DMXL1: variants seen among roughly 807,000 people sequenced by gnomAD.
DMXL1 encodes Dmx like 1.
DMXL1 carries 99 observed loss-of-function variants against 319.2 expected under a neutral mutation model. The observed-to-expected ratio is 0.31, with a 90% CI of 0.26 to 0.37. The LOEUF is 0.37. Ranked by LOEUF, DMXL1 falls within the 10% of genes least tolerant of loss-of-function variation. DMXL1 has a pLI of 1.00. For synonymous variants in DMXL1, 1,385 were observed against 1,235.2 expected (o/e 1.12, Z -2.54); for missense variants, 3,745 against 3,595.6 (o/e 1.04, Z -1.06).
chr5:119,178,615 A>G, intron 28 of DMXL1: 1 of 985,334 alleles, frequency 1.0e-6, no homozygotes, highest in Non-Finnish European at 1.2e-6. Flanking sequence ...AGGTAGTGGT[A>G]TTCTCCATGG....
chr5:119,210,905 G>A (rs1049483151), intron 34 of DMXL1, among the ~76,000 whole-genome samples: 2 of 150,246 alleles, frequency 1.3e-5, no homozygotes, highest in Admixed American at 1.3e-4. Flanking sequence ...TTTTCTTTAA[G>A]TTTGTTGTAG....
chr5:119,104,482 G>A (rs1341995161), intron 3 of DMXL1, among the ~76,000 whole-genome samples: 1 of 152,180 alleles, frequency 6.6e-6, no homozygotes, highest in African/African-American at 2.4e-5. Flanking sequence ...TTGTACCAAA[G>A]TTTGAGAGCC....
Position 119,071,629 on chromosome 5 carries a change from G to A in DMXL1, c.60G>A (p.Val20=). ...AVNPGDHCFS[V]GSIGDQRFTA... is the part of the protein sequence containing the mutation. The stretch of plus-strand genomic sequence containing the variant: ...ACCCTGGCGACCACTGCTTCTCCGT[G>A]GGCAGCATTGGCGACCAGCGCTTCA... Residue 20 remains valine (V), a synonymous_variant, in exon 1 of 44, where the codon GTG becomes GTA. Transcript: ENST00000539542. The A allele has an allele frequency of 2.5e-6, 4 of 1,599,416 alleles. No homozygotes were observed. The highest frequency in any genetic ancestry group is 3.4e-6 in the Non-Finnish European group (4 of 1,173,486).
intron 1 of DMXL1, 29 bp downstream of exon 1, chr5:119,071,685 G>T (rs1186349680): frequency 6.4e-7 from 1 of 1,556,296 alleles, no homozygotes; most frequent in Non-Finnish European, 8.7e-7. Context: ...CGCGTCGCCC[G>T]TGGCCCGGCC....
chr5:119,194,506 A>T (rs1052004625), intron 30 of DMXL1, among the ~76,000 whole-genome samples: 1 of 150,308 alleles, frequency 6.7e-6, no homozygotes, highest in African/African-American at 2.5e-5. Context: ...CTCTATTGAT[A>T]TGTTTACATC....
At chr5:119,105,866 C>T (rs1334107135) in intron 4 of DMXL1, among the ~76,000 whole-genome samples, 1 of 145,446 alleles carries the variant, frequency 6.9e-6, no homozygotes, top group African/African-American at 2.6e-5. Flanking sequence ...CATTGCACTT[C>T]AGCCTGGGCA....
intron 32 of DMXL1, among the ~76,000 whole-genome samples, chr5:119,202,266 T>G (rs537001203): frequency 6.6e-6 from 1 of 152,320 alleles, no homozygotes; most frequent in Admixed American, 6.5e-5. Flanking sequence ...TGCTAAAGCA[T>G]ACCTACTTTT....
In DMXL1 at chr5:119,225,727, A is replaced by G. The variant is rs140788743; in HGVS notation, c.8338+958A>G. On this transcript the variant is annotated intron_variant, in intron 38 of 43. Coordinates refer to ENST00000539542, the MANE Select transcript of DMXL1 (RefSeq NM_001290321.3). ...CAAGAGAACCGTATATGTAAAATGAAGAGAATAACATCTGTTACTTATGCT... is the reference window on the plus strand; with the variant it reads ...CAAGAGAACCGTATATGTAAAATGAGGAGAATAACATCTGTTACTTATGCT... Among the ~76,000 whole-genome samples, 602 of 152,282 alleles carry G rather than the reference A, an allele frequency of 4.0e-3. 10 individuals are homozygous for G. The highest frequency in any genetic ancestry group is 0.026 in the South Asian group (126 of 4,824).
chr5:119,097,900 C>G (rs562588535), intron 1 of DMXL1, 79 bp from the exon 2 acceptor site: 2 of 1,230,862 alleles, frequency 1.6e-6, no homozygotes, highest in South Asian at 2.9e-5. Flanking sequence ...TGCCTTAAAA[C>G]ATGATAGTTA....
chr5:119,127,665 C>G (rs1763908589), intron 9 of DMXL1: 1 of 175,788 alleles, frequency 5.7e-6, no homozygotes, highest in Non-Finnish European at 1.2e-5. Flanking sequence ...TCTCGAACCC[C>G]TGGCCTCAAG....
rs1448727710 is a variant in DMXL1 at position 119,134,093 on chromosome 5, T to A, written c.2169T>A (p.Ser723=). The change falls in exon 12 of 44, where the codon TCT becomes TCA. Residue 723 remains serine (S), a synonymous_variant. Coordinates refer to ENST00000539542, the MANE Select transcript of DMXL1 (RefSeq NM_001290321.3). ...CATTGTCTTTTTCTGGAGGAGTTTCTGAGCTTGCCCGGATTAATTCTCTTC... is the reference window on the plus strand; with the variant it reads ...CATTGTCTTTTTCTGGAGGAGTTTCAGAGCTTGCCCGGATTAATTCTCTTC... The part of the protein sequence containing the change: ...VGPLSFSGGV[S]ELARINSLHV... The A allele has an allele frequency of 1.2e-6, 2 of 1,614,030 alleles. No homozygotes were observed. Among genetic ancestry groups the A allele is most frequent in the South Asian group, 1.1e-5 (1 of 91,092 alleles).
chr5:119,196,655 C>T (rs1301015017), intron 31 of DMXL1, among the ~76,000 whole-genome samples, 199 bp downstream of exon 31: 1 of 151,790 alleles, frequency 6.6e-6, no homozygotes, highest in Admixed American at 6.6e-5. Context: ...TGGCAACATC[C>T]AAGAAATCAA....
rs144664588 is a variant in DMXL1 at position 119,122,769 on chromosome 5, C to G, written c.1102+1630C>G. On this transcript the variant is annotated intron_variant, in intron 9 of 43. Transcript: ENST00000539542. Reference sequence around the variant, plus strand: ...ATGGTGGCCGGGAAGAGGCGCTCCTCACTTACTAGATGGGATGGCGGCCGG... The same window carrying G: ...ATGGTGGCCGGGAAGAGGCGCTCCTGACTTACTAGATGGGATGGCGGCCGG... Among the ~76,000 whole-genome samples, 265 of 151,784 alleles carry G rather than the reference C, an allele frequency of 1.7e-3. 6 individuals carry two copies. The East Asian group carries it at 0.049, about 28-fold the overall frequency.
chr5:119,187,828 A>T (rs758844850), intron 28 of DMXL1, among the ~76,000 whole-genome samples: 3 of 152,038 alleles, frequency 2.0e-5, no homozygotes, highest in Non-Finnish European at 4.4e-5. Context: ...ATGCCTGGCT[A>T]ATTTTTGTAT....
At chr5:119,234,878 T>A (rs1787444287) in intron 39 of DMXL1, among the ~76,000 whole-genome samples, 1 of 152,166 alleles carries the variant, frequency 6.6e-6, no homozygotes, top group Non-Finnish European at 1.5e-5. Flanking sequence ...TCATGTCAAC[T>A]TCTTTAACAA....
In DMXL1 at chr5:119,148,794, A is replaced by C. The variant is rs368446202; in HGVS notation, c.2967A>C (p.Ala989=). 6.2e-7 allele frequency: 1 copy of C among 1,613,496 alleles called. No individual in the cohort carries two copies. The highest frequency in any genetic ancestry group is 8.5e-7 in the Non-Finnish European group (1 of 1,179,704). Residue 989 remains alanine, a synonymous_variant, in exon 18 of 44, where the codon GCA becomes GCC. Transcript: ENST00000539542. ...YPACSAPYLL[A]TSCSDEKVRF... ...CATGCAGTGCTCCTTATTTATTGGC[A>C]ACTTCATGTTCAGATGAGAAAGTAA... is the stretch of plus-strand genomic sequence containing the variant.
chr5:119,215,965 A>C (rs1253212194), intron 34 of DMXL1, among the ~76,000 whole-genome samples: 2 of 151,750 alleles, frequency 1.3e-5, no homozygotes, highest in African/African-American at 4.8e-5. Context: ...GTGTGGTGGC[A>C]GGTGCCTGTA....
Position 119,132,895 on chromosome 5 carries a change from G to C in DMXL1, c.1316-237G>C, listed in dbSNP as rs1456465213. 1.4e-5 allele frequency: 8 copies of C among 589,056 alleles called. No individual in the cohort carries two copies. In the East Asian group the frequency reaches 2.1e-4, roughly 16 times the overall value. The allele number at this position is 589,056 out of a possible 1,614,324, so 36.5% of individuals were successfully genotyped here. A position where few individuals can be genotyped will look rare whatever the true frequency, so the allele number is the denominator to read the frequency against. On this transcript the variant is annotated intron_variant, in intron 10 of 43. Transcript: ENST00000539542. The stretch of plus-strand genomic sequence containing the variant: ...AGTAGATAAGAAACTAGATCTCAAA[G>C]TATGCTCTGGAGCATTATCATTAAG...
chr5:119,133,881 C>G lies in DMXL1; in HGVS notation c.1957C>G (p.Leu653Val), dbSNP rs1383329870. The stretch of plus-strand genomic sequence containing the variant: ...TTGCCACTCAGTATTACCATTATTG[C>G]TGACAACATCACACCATAATGCATT... ...LACHSVLPLL[L>V]TTSHHNALRT... The change falls in exon 12 of 44, where the codon CTG becomes GTG. Residue 653 changes from leucine to valine, a missense_variant. This residue lies in a region of DMXL1 where 2,096 missense variants were observed against 1,985.4 expected (regional missense o/e 1.06). Coordinates refer to ENST00000539542, the MANE Select transcript of DMXL1 (RefSeq NM_001290321.3). 2 of 1,613,990 alleles carry G rather than the reference C, an allele frequency of 1.2e-6. No individual in the cohort carries two copies. Among genetic ancestry groups the G allele is most frequent in the Non-Finnish European group, 8.5e-7 (1 of 1,180,034 alleles).
Sources: allele counts gnomAD v4.1 joint callset (sites outside exome capture counted in the v4.1 genomes callset), GRCh38; gene constraint gnomAD v4.1.1; regional missense constraint gnomAD v4.1.1; transcripts MANE v1.5; gene names NCBI Gene and HGNC (gene_info 2026-07-23, HGNC 2026-07-21).